Variants in RPH3A observed in about 807,000 individuals in gnomAD.
RPH3A encodes the protein rabphilin-3A.
A neutral mutation model predicts 102.2 loss-of-function variants in RPH3A; 48 were observed. That is an observed-to-expected ratio of 0.47 (90% CI 0.37 to 0.60). The LOEUF (loss-of-function observed/expected upper bound fraction) is 0.60. Ranked by LOEUF, RPH3A falls within the 20% of genes least tolerant of loss-of-function variation. The probability of loss-of-function intolerance (pLI) is 0.00; values close to 1 mark genes in which losing one functional copy is unlikely to be tolerated. For synonymous variants in RPH3A, 310 were observed against 324.3 expected, an observed-to-expected ratio of 0.96 and a Z score of 0.47; for missense variants, 781 against 910.1, an observed-to-expected ratio of 0.86 and a Z score of 1.83.
At chr12:112,608,304 T>TG (rs1297374165) in intron 1 of RPH3A, among the ~76,000 whole-genome samples, 1 of 151,810 alleles carries the variant, frequency 6.6e-6, no homozygotes, top group Admixed American at 6.6e-5. Flanking sequence ...TTAGTAGAGA[T>TG]GGGGTTTCAC....
intron 1 of RPH3A, among the ~76,000 whole-genome samples, chr12:112,628,372 G>A (rs759548235): frequency 6.6e-6 from 1 of 151,630 alleles, no homozygotes; most frequent in Non-Finnish European, 1.5e-5. Context: ...AGAGTAATGA[G>A]AGACAAAGTC....
At chr12:112,686,530 A>G (rs1472270009) in intron 1 of RPH3A, among the ~76,000 whole-genome samples, 1 of 152,228 alleles carries the variant, frequency 6.6e-6, no homozygotes, top group Non-Finnish European at 1.5e-5. Flanking sequence ...AGGTGCCACC[A>G]TATGAATCAG....
chr12:112,640,071 A>G (rs1448924583), intron 1 of RPH3A, among the ~76,000 whole-genome samples: 1 of 150,866 alleles, frequency 6.6e-6, no homozygotes, highest in Non-Finnish European at 1.5e-5. Context: ...CTGTAATCTC[A>G]TCACTTTGGG....
At chr12:112,747,173 T>A (rs2040754129) in intron 1 of RPH3A, among the ~76,000 whole-genome samples, 1 of 152,152 alleles carries the variant, frequency 6.6e-6, no homozygotes, top group Non-Finnish European at 1.5e-5. Context: ...CCACCCCAAA[T>A]TCCTATGTTG....
Position 112,876,818 on chromosome 12 carries a change from C to A in RPH3A, c.1123C>A (p.Pro375Thr), listed in dbSNP as rs373109708. ...TGCTGCAGCCCGCCAGCCACCACCC[C>A]CAGAGGAGGAGGAAGAGGAAGCCAA... ...QPAAARQPPP[P>T]EEEEEEANSY... The change falls in exon 13 of 22, where the codon CCA becomes ACA. Residue 375 changes from proline (P) to threonine (T), a missense_variant. Around this residue, in one of 2 missense-constraint regions of RPH3A, gnomAD observed 730 missense variants for 810.0 expected, o/e 0.90. Coordinates refer to ENST00000389385, the MANE Select transcript of RPH3A (RefSeq NM_001143854.2). 6.2e-7 allele frequency: 1 copy of A among 1,610,238 alleles called. No homozygotes were observed. The highest frequency in any genetic ancestry group is 8.5e-7 in the Non-Finnish European group (1 of 1,177,948).
Position 112,887,943 on chromosome 12 carries a change from G to A in RPH3A, c.1563+20G>A. ...ATTCCTGTGAGTGACTTTACCCTGA[G>A]GATCTGATGGGAGGAGGGGAGATTG... On this transcript the variant is annotated intron_variant, in intron 17 of 21. Transcript: ENST00000389385. 1 of 1,611,532 alleles carries A rather than the reference G, an allele frequency of 6.2e-7. No individual in the cohort carries two copies. Among genetic ancestry groups the A allele is most frequent in the Non-Finnish European group, 8.5e-7 (1 of 1,178,350 alleles).
At chr12:112,775,363 T>C (rs914302865) in intron 1 of RPH3A, among the ~76,000 whole-genome samples, 2 of 152,196 alleles carry the variant, frequency 1.3e-5, no homozygotes, top group African/African-American at 4.8e-5. Context: ...AAGAATTTGC[T>C]GTGCATGTAC....
chr12:112,891,527 G>T (rs541137336), intron 19 of RPH3A, among the ~76,000 whole-genome samples: 11 of 152,342 alleles, frequency 7.2e-5, no homozygotes, highest in Admixed American at 5.9e-4. Context: ...CAGACAAGGG[G>T]TTTATCAGGG....
chr12:112,870,082 G>A (rs1390997251), intron 10 of RPH3A, 43 bp downstream of exon 10: 1 of 1,567,264 alleles, frequency 6.4e-7, no homozygotes, highest in South Asian at 1.2e-5. Flanking sequence ...TCTGGATAGG[G>A]AGACTCAAAA....
chr12:112,874,566 A>T (rs1364628986), intron 10 of RPH3A, among the ~76,000 whole-genome samples: 1 of 152,214 alleles, frequency 6.6e-6, no homozygotes, highest in Non-Finnish European at 1.5e-5. Flanking sequence ...ATGAGTATCC[A>T]GCCCAGGGTC....
At chr12:112,758,690 C>T (rs932544117) in intron 1 of RPH3A, among the ~76,000 whole-genome samples, 23 of 152,174 alleles carry the variant, frequency 1.5e-4, no homozygotes, top group African/African-American at 5.3e-4. Context: ...GGGCTTTCAA[C>T]CTAGTTCTGC....
At chr12:112,635,196 C>A (rs889720356) in intron 1 of RPH3A, among the ~76,000 whole-genome samples, 7 of 152,164 alleles carry the variant, frequency 4.6e-5, no homozygotes, top group African/African-American at 1.7e-4. Flanking sequence ...CAATATGTAA[C>A]CAAGTGGGTG....
At position 112,896,821 on chromosome 12, in the gene RPH3A, C is replaced by G. The variant is rs767979590; in HGVS notation, c.*41C>G. The G allele has an allele frequency of 6.8e-6, 11 of 1,610,644 alleles. No individual in the cohort carries two copies. In the Admixed American group the frequency reaches 1.5e-4, roughly 22 times the overall value. ...CCCATCTCCATGTCCCGGGTCCCCC[C>G]CAGCCTGCTCTAGCTGCCCACCGCA... On this transcript the variant is annotated 3_prime_UTR_variant, in exon 22 of 22. Transcript: ENST00000389385.
chr12:112,600,778 C>T (rs978990676), intron 1 of RPH3A, among the ~76,000 whole-genome samples: 13 of 152,172 alleles, frequency 8.5e-5, no homozygotes, highest in Non-Finnish European at 1.8e-4. Flanking sequence ...GTCCCACTAC[C>T]TCAGTACCAA....
At chr12:112,812,671 C>A (rs1466021063) in intron 2 of RPH3A, among the ~76,000 whole-genome samples, 3 of 100,034 alleles carry the variant, frequency 3.0e-5, no homozygotes, top group African/African-American at 2.2e-4. Flanking sequence ...CTATCCCCTT[C>A]TCTCTCTCTC....
intron 1 of RPH3A, among the ~76,000 whole-genome samples, chr12:112,643,555 T>C (rs182419249): frequency 4.0e-4 from 61 of 152,378 alleles, no homozygotes; most frequent in Middle Eastern, 3.4e-3. Flanking sequence ...TTCTGCTACA[T>C]GGGGCTTAAA....
In RPH3A at chr12:112,652,833, G is replaced by A. The variant is rs117652312; in HGVS notation, c.-140+77514G>A. On this transcript the variant is annotated intron_variant, in intron 1 of 21. Coordinates refer to the RPH3A transcript ENST00000543106. ...CTCAAAGAGCAAAACAGTCATGCAT[G>A]GCTTAATGATGGAGATGTGCTCTGA... Among the ~76,000 whole-genome samples the A allele has an allele frequency of 2.3e-4, 35 of 152,332 alleles. No homozygotes were observed. The East Asian group carries it at 5.8e-3, about 25-fold the overall frequency.
chr12:112,834,118 T>A (rs546992539), intron 3 of RPH3A, among the ~76,000 whole-genome samples: 1 of 152,196 alleles, frequency 6.6e-6, no homozygotes, highest in Non-Finnish European at 1.5e-5. Context: ...CCCTTTATAG[T>A]TCCTCCTTCT....
intron 2 of RPH3A, among the ~76,000 whole-genome samples, chr12:112,795,924 C>T (rs1280654702): frequency 1.3e-5 from 2 of 152,140 alleles, no homozygotes; most frequent in Non-Finnish European, 2.9e-5. Flanking sequence ...TCACCCCTGA[C>T]CAAAACAAAA....
Sources: allele counts gnomAD v4.1 joint callset (sites outside exome capture counted in the v4.1 genomes callset), GRCh38; gene constraint gnomAD v4.1.1; regional missense constraint gnomAD v4.1.1; transcripts MANE v1.5; gene names NCBI Gene and HGNC (gene_info 2026-07-23, HGNC 2026-07-21).